ZNF385D: variants seen among roughly 807,000 people sequenced by gnomAD.
The protein encoded by ZNF385D is zinc finger protein 659.
In ZNF385D, 15 loss-of-function variants were observed where a neutral mutation model predicts 35.8. The observed-to-expected ratio is 0.42, with a 90% CI of 0.28 to 0.64. The LOEUF is 0.64. ZNF385D is among the 30% of genes least tolerant of loss of function. ZNF385D has a pLI of 0.23. For missense variants in ZNF385D, 474 were observed against 494.6 expected, an observed-to-expected ratio of 0.96 and a Z score of 0.39; for synonymous variants, 212 against 186.8, an observed-to-expected ratio of 1.13 and a Z score of -1.10.
intron 2 of ZNF385D, among the ~76,000 whole-genome samples, chr3:22,212,322 T>A (rs1025624817): frequency 1.3e-5 from 2 of 152,042 alleles, no homozygotes; most frequent in Admixed American, 6.6e-5. Context: ...ACAGAGTCTC[T>A]GTGCCTGCAC....
intron 2 of ZNF385D, among the ~76,000 whole-genome samples, chr3:22,173,510 G>C (rs1470691558): frequency 6.6e-6 from 1 of 152,116 alleles, no homozygotes; most frequent in Non-Finnish European, 1.5e-5. Context: ...AAATAGAGCA[G>C]AGACCATTTT....
At chr3:22,171,797 A>G (rs1292360332) in intron 2 of ZNF385D, among the ~76,000 whole-genome samples, 1 of 151,148 alleles carries the variant, frequency 6.6e-6, no homozygotes, top group East Asian at 2.0e-4. Flanking sequence ...GAATGGAGTG[A>G]ACCCGGGAGG....
chr3:22,295,143 A>T (rs1334681561), intron 2 of ZNF385D, among the ~76,000 whole-genome samples: 1 of 152,132 alleles, frequency 6.6e-6, no homozygotes, highest in Non-Finnish European at 1.5e-5. Context: ...GGAATTATAT[A>T]CCATAGATAA....
At chr3:21,903,855 T>C (rs1699539293) in intron 3 of ZNF385D, among the ~76,000 whole-genome samples, 1 of 152,152 alleles carries the variant, frequency 6.6e-6, no homozygotes, top group Non-Finnish European at 1.5e-5. Context: ...TAATTAAAGA[T>C]CTACTGGGAA....
intron 3 of ZNF385D, among the ~76,000 whole-genome samples, chr3:22,135,665 C>T (rs895588198): frequency 6.6e-6 from 1 of 152,118 alleles, no homozygotes; most frequent in African/African-American, 2.4e-5. Flanking sequence ...TAAGTAGCTA[C>T]AACAGCTAAA....
chr3:22,033,867 A>G (rs1698157079), intron 3 of ZNF385D, among the ~76,000 whole-genome samples: 1 of 152,184 alleles, frequency 6.6e-6, no homozygotes, highest in Admixed American at 6.5e-5. Flanking sequence ...AAAATCTATA[A>G]TCAGGATGTA....
intron 3 of ZNF385D, among the ~76,000 whole-genome samples, chr3:21,560,723 C>A (rs1241413189): frequency 6.6e-6 from 1 of 152,204 alleles, no homozygotes; most frequent in Non-Finnish European, 1.5e-5. Flanking sequence ...GGAACATTTA[C>A]ATCTGCTGAA....
chr3:22,154,969 T>G (rs545051743), intron 3 of ZNF385D, among the ~76,000 whole-genome samples: 1 of 152,162 alleles, frequency 6.6e-6, no homozygotes, highest in Non-Finnish European at 1.5e-5. Flanking sequence ...GATTTGGTGG[T>G]TGACTACTAT....
rs149693311 is a variant in ZNF385D at position 21,994,600 on chromosome 3, G to T, written c.325+174217C>A. On this transcript the variant is annotated intron_variant, in intron 3 of 5. Coordinates refer to the ZNF385D transcript ENST00000494108. ...GTGTTCCTTCAGAAATGTTATGTTAGCTTGCTTTTTCATGCTTCTTATGTC... is the reference window on the plus strand; with the variant it reads ...GTGTTCCTTCAGAAATGTTATGTTATCTTGCTTTTTCATGCTTCTTATGTC... Among the ~76,000 whole-genome samples the T allele has an allele frequency of 2.7e-3, 413 of 152,110 alleles. 8 individuals carry two copies. In the South Asian group the frequency reaches 0.052, roughly 19 times the overall value.
intron 3 of ZNF385D, among the ~76,000 whole-genome samples, chr3:22,119,427 A>G (rs1231079007): frequency 2.6e-5 from 4 of 152,126 alleles, no homozygotes; most frequent in Non-Finnish European, 4.4e-5. Context: ...TTTAGACATA[A>G]TTTGTTGGGG....
At chr3:22,018,860 A>G (rs1283326308) in intron 3 of ZNF385D, among the ~76,000 whole-genome samples, 1 of 151,850 alleles carries the variant, frequency 6.6e-6, no homozygotes, top group East Asian at 1.9e-4. Flanking sequence ...TTTAATTGCT[A>G]ATTTTTGAGT....
intron 3 of ZNF385D, among the ~76,000 whole-genome samples, chr3:22,127,316 G>GTTTTTTTTTTTTTTTTTTTTTTTTT (rs1559389409): frequency 1.3e-5 from 1 of 76,050 alleles, no homozygotes; most frequent in African/African-American, 5.4e-5. Context: ...TTCATTTCCT[G>GTTTTTTTTTTTTTTTTTTTTTTTTT]CTTTTTTTTT....
chr3:22,065,203 T>C (rs1324192491), intron 3 of ZNF385D, among the ~76,000 whole-genome samples: 1 of 152,182 alleles, frequency 6.6e-6, no homozygotes, highest in African/African-American at 2.4e-5. Context: ...GTGTGGCTAT[T>C]CTCTTGCTCT....
chr3:22,121,730 T>A (rs1398196174), intron 3 of ZNF385D, among the ~76,000 whole-genome samples: 1 of 151,818 alleles, frequency 6.6e-6, no homozygotes, highest in Admixed American at 6.6e-5. Context: ...CACAATCCCC[T>A]GTACCTGGGC....
intron 3 of ZNF385D, among the ~76,000 whole-genome samples, chr3:21,897,437 T>C (rs1699194285): frequency 6.6e-6 from 1 of 152,142 alleles, no homozygotes; most frequent in South Asian, 2.1e-4. Context: ...GTGGCGGCTA[T>C]CCTTATTTTA....
At chr3:21,943,939 C>A (rs144381869) in intron 3 of ZNF385D, among the ~76,000 whole-genome samples, 13 of 152,256 alleles carry the variant, frequency 8.5e-5, no homozygotes, top group Non-Finnish European at 1.5e-4. Context: ...CTTGTCAGTT[C>A]AGTAACGATA....
At chr3:22,026,671 C>A (rs985730713) in intron 3 of ZNF385D, among the ~76,000 whole-genome samples, 35 of 152,154 alleles carry the variant, frequency 2.3e-4, no homozygotes, top group African/African-American at 8.4e-4. Context: ...ACATTGACTT[C>A]CTGAGCGGTA....
At chr3:21,560,827 T>G (rs959937046) in intron 3 of ZNF385D, among the ~76,000 whole-genome samples, 2 of 152,286 alleles carry the variant, frequency 1.3e-5, no homozygotes, top group Non-Finnish European at 2.9e-5. Context: ...CTGCCTTTTT[T>G]TTCAGAGATG....
chr3:21,566,206 T>C lies in ZNF385D; in HGVS notation c.166-1522A>G, dbSNP rs577329131. Among the ~76,000 whole-genome samples the C allele has an allele frequency of 4.6e-5, 7 of 152,304 alleles. No individual in the cohort carries two copies. The South Asian group carries it at 1.4e-3, about 32-fold the overall frequency. On this transcript the variant is annotated intron_variant, in intron 2 of 7. Transcript: ENST00000281523. ...TACAGTGATAAAGGAGTAGAACTCA[T>C]GGGCGTAATCATTTTTCTTTTCCAC...
Sources: allele counts gnomAD v4.1 joint callset (sites outside exome capture counted in the v4.1 genomes callset), GRCh38; gene constraint gnomAD v4.1.1; transcripts MANE v1.5; gene names NCBI Gene and HGNC (gene_info 2026-07-23, HGNC 2026-07-21).